TRIM55: variants seen among roughly 807,000 people sequenced by gnomAD.
TRIM55 encodes the protein tripartite motif containing 55, also known as tripartite motif-containing protein 55.
In TRIM55, 50 loss-of-function variants were observed where a neutral mutation model predicts 60.9. The ratio of observed to expected loss-of-function variants is 0.82; its 90% CI spans 0.65 to 1.04. The LOEUF (loss-of-function observed/expected upper bound fraction) is 1.04, where lower values mean the gene tolerates loss of function less well. TRIM55 is among the 50% of genes least tolerant of loss of function. The pLI, the probability that TRIM55 is intolerant of heterozygous loss-of-function variation, is 0.00. For missense variants in TRIM55, 681 were observed against 666.9 expected (o/e 1.02, Z -0.23); for synonymous variants, 237 against 238.1 (o/e 1.00, Z 0.04).
chr8:66,148,362 A>C (rs987067613), intron 4 of TRIM55, among the ~76,000 whole-genome samples: 5 of 152,264 alleles, frequency 3.3e-5, no homozygotes, highest in African/African-American at 1.2e-4. Context: ...GACCAGATAC[A>C]GTATTACCCA....
intron 9 of TRIM55, among the ~76,000 whole-genome samples, chr8:66,156,640 C>T (rs1810757860): frequency 6.6e-6 from 1 of 152,130 alleles, no homozygotes; most frequent in Non-Finnish European, 1.5e-5. Flanking sequence ...AGCTCAAAGG[C>T]AGTTCAGGGT....
chr8:66,135,452 A>G (rs1262352143), intron 3 of TRIM55, among the ~76,000 whole-genome samples: 1 of 152,234 alleles, frequency 6.6e-6, no homozygotes, highest in African/African-American at 2.4e-5. Context: ...GAGGTTGCTG[A>G]TGATGAGCAA....
At chr8:66,137,478 G>A (rs970069545) in intron 4 of TRIM55, among the ~76,000 whole-genome samples, 5 of 152,228 alleles carry the variant, frequency 3.3e-5, no homozygotes, top group Non-Finnish European at 5.9e-5. Flanking sequence ...CCCCCATCAT[G>A]GAAATCAGTG....
chr8:66,138,017 G>C (rs1268672088), intron 4 of TRIM55, among the ~76,000 whole-genome samples: 1 of 152,188 alleles, frequency 6.6e-6, no homozygotes, highest in Non-Finnish European at 1.5e-5. Context: ...AGACACCTGG[G>C]TTCAAGTCCA....
chr8:66,123,541 G>A (rs1398681807), upstream of TRIM55, among the ~76,000 whole-genome samples: 1 of 152,054 alleles, frequency 6.6e-6, no homozygotes, highest in Non-Finnish European at 1.5e-5. Flanking sequence ...AAGGCAGGGA[G>A]CAAGAAAGAA....
At position 66,154,429 on chromosome 8, in the gene TRIM55, G is replaced by T. The variant is rs1810628506; in HGVS notation, c.1524+95G>T. On this transcript the variant is annotated intron_variant, in intron 9 of 9. Coordinates refer to ENST00000315962, the MANE Select transcript of TRIM55 (RefSeq NM_184085.2). ...AAGAAGAAAAAGGGTTTTCAAAGGGGCAGAGAGAAACCTCAGCCAGGGGAA... is the reference window on the plus strand; with the variant it reads ...AAGAAGAAAAAGGGTTTTCAAAGGGTCAGAGAGAAACCTCAGCCAGGGGAA... The T allele has an allele frequency of 5.2e-6, 7 of 1,355,414 alleles. No individual in the cohort carries two copies. In the South Asian group the frequency reaches 7.2e-5, roughly 14 times the overall value. 84.0% of individuals were successfully genotyped at this position (1,355,414 alleles called of 1,614,324 possible).
At chr8:66,166,334 G>A in intron 9 of TRIM55, among the ~76,000 whole-genome samples, 1 of 152,206 alleles carries the variant, frequency 6.6e-6, no homozygotes, top group East Asian at 1.9e-4. Flanking sequence ...CTCTGGGAGA[G>A]CTCTCTTGGG....
At chr8:66,130,485 G>C (rs1266447007) in intron 2 of TRIM55, among the ~76,000 whole-genome samples, 1 of 151,426 alleles carries the variant, frequency 6.6e-6, no homozygotes, top group African/African-American at 2.4e-5. Context: ...TTGAGCCTCA[G>C]GGTACATTAG....
the TRIM55 span, chr8:66,114,722 G>T: frequency 4.5e-6 from 2 of 443,316 alleles, no homozygotes; most frequent in African/African-American, 4.0e-5. Context: ...AGGGCGGACT[G>T]CCTGGCTCTG....
At chr8:66,157,075 G>A (rs1437419230) in intron 9 of TRIM55, among the ~76,000 whole-genome samples, 1 of 152,166 alleles carries the variant, frequency 6.6e-6, no homozygotes, top group East Asian at 1.9e-4. Context: ...GAGAATTCGG[G>A]TTTAGGGCTT....
chr8:66,173,378 A>G (rs1351572413), intron 9 of TRIM55, among the ~76,000 whole-genome samples: 3 of 152,352 alleles, frequency 2.0e-5, no homozygotes, highest in South Asian at 2.1e-4. Context: ...GTGCAGGCCA[A>G]TAACTCATTT....
chr8:66,128,477 G>A lies in TRIM55; in HGVS notation c.341+1G>A. Reference sequence around the variant, plus strand: ...ACATCTACAAGCAGGAGTCCACCAGGTAACACTCTTCCACTCTTCCATGTG... The same window carrying A: ...ACATCTACAAGCAGGAGTCCACCAGATAACACTCTTCCACTCTTCCATGTG... On this transcript the variant is annotated splice_donor_variant, in intron 2 of 9. Coordinates refer to ENST00000315962, the MANE Select transcript of TRIM55 (RefSeq NM_184085.2). LOFTEE classifies it high-confidence loss of function. The A allele has an allele frequency of 6.2e-7, 1 of 1,611,570 alleles. No individual in the cohort carries two copies. Among genetic ancestry groups the A allele is most frequent in the Non-Finnish European group, 8.5e-7 (1 of 1,179,062 alleles).
At chr8:66,137,549 C>T (rs1289838823) in intron 4 of TRIM55, among the ~76,000 whole-genome samples, 1 of 152,286 alleles carries the variant, frequency 6.6e-6, no homozygotes, top group East Asian at 1.9e-4. Flanking sequence ...AAATGCTCAT[C>T]GGTGCTTTAG....
intron 9 of TRIM55, among the ~76,000 whole-genome samples, chr8:66,159,120 AC>A (rs1245886092): frequency 3.9e-5 from 6 of 152,252 alleles, no homozygotes; most frequent in African/African-American, 1.4e-4. Flanking sequence ...TTGTATAGCT[AC>A]CACCACAGTT....
chr8:66,154,515 C>T (rs2128982030), intron 9 of TRIM55, among the ~76,000 whole-genome samples, 181 bp downstream of exon 9: 1 of 152,312 alleles, frequency 6.6e-6, no homozygotes, highest in Non-Finnish European at 1.5e-5. Flanking sequence ...TAAAAGAAAA[C>T]ATAAAACAAA....
upstream of TRIM55, among the ~76,000 whole-genome samples, chr8:66,124,075 C>T (rs11993014): frequency 0.017 from 2,571 of 152,196 alleles, 85 homozygotes; most frequent in African/African-American, 0.058. Flanking sequence ...GTTACTCAGG[C>T]TCAGGCATCT....
At chr8:66,136,167 C>T (rs1419581463) in intron 3 of TRIM55, among the ~76,000 whole-genome samples, 1 of 150,936 alleles carries the variant, frequency 6.6e-6, no homozygotes, top group African/African-American at 2.4e-5. Context: ...CTGCCCACCT[C>T]CCCCAAAGCA....
chr8:66,117,000 A>G, the TRIM55 span, among the ~76,000 whole-genome samples: 3 of 152,260 alleles, frequency 2.0e-5, no homozygotes, highest in African/African-American at 7.2e-5. Flanking sequence ...GACTGGCTCA[A>G]CATTCAAATT....
Position 66,134,971 on chromosome 8 carries a change from T to A in TRIM55, c.342-19T>A. On this transcript the variant is annotated intron_variant, in intron 2 of 9. Coordinates refer to ENST00000315962, the MANE Select transcript of TRIM55 (RefSeq NM_184085.2). ...CCCAGTGAGAGCTGATGGACATTTA[T>A]CTGCCTACCTCCTCCCAGGCCAGAA... 6.2e-7 allele frequency: 1 copy of A among 1,613,100 alleles called. No homozygotes were observed. The highest frequency in any genetic ancestry group is 8.5e-7 in the Non-Finnish European group (1 of 1,179,370).
Sources: allele counts gnomAD v4.1 joint callset (sites outside exome capture counted in the v4.1 genomes callset), GRCh38; gene constraint gnomAD v4.1.1; transcripts MANE v1.5; gene names NCBI Gene and HGNC (gene_info 2026-07-23, HGNC 2026-07-21).